Variants in AFF2 observed in about 807,000 individuals in gnomAD.
AFF2 encodes ALF transcription elongation factor 2.
In AFF2, 14 loss-of-function variants were observed where a neutral mutation model predicts 76.9. That is an observed-to-expected ratio of 0.18 (90% CI 0.12 to 0.28). The LOEUF (loss-of-function observed/expected upper bound fraction) is 0.28, where lower values mean the gene tolerates loss of function less well. AFF2 is among the 10% of genes least tolerant of loss of function. AFF2 has a pLI of 1.00. For synonymous variants in AFF2, 398 were observed against 366.7 expected (o/e 1.09, Z -0.98); for missense variants, 868 against 1,001.1 (o/e 0.87, Z 1.79).
intron 9 of AFF2, among the ~76,000 whole-genome samples, chrX:148,929,148 C>T (rs1471331715): frequency 8.9e-6 from 1 of 112,173 alleles, no homozygotes; most frequent in African/African-American, 3.2e-5. Flanking sequence ...TTAAATTAAT[C>T]TCTCCCAAAC....
At chrX:148,626,438 T>C (rs2053927835) in intron 1 of AFF2, among the ~76,000 whole-genome samples, 1 of 110,805 alleles carries the variant, frequency 9.0e-6, no homozygotes, top group African/African-American at 3.3e-5. Context: ...ATATTTGATA[T>C]TAAAGACAAA....
rs2072643294 is a variant in AFF2 at position 148,999,053 on chromosome X, TAAATG to T, written c.*7725_*7729del. On this transcript the variant is annotated 3_prime_UTR_variant, in exon 21 of 21. Transcript: ENST00000370460. Reference sequence around the variant, plus strand: ...TGGGCCCTTTCACACCCCACAGTGATAAATGAAAAGGATAGAGGTAGTTTTTTCAA... The same window carrying T: ...TGGGCCCTTTCACACCCCACAGTGATAAAAGGATAGAGGTAGTTTTTTCAA... The T allele has an allele frequency of 9.0e-6, 1 of 111,723 alleles. No individual in the cohort carries two copies. Among genetic ancestry groups the T allele is most frequent in the Non-Finnish European group, 1.9e-5 (1 of 53,187 alleles). 9.2% of individuals were successfully genotyped at this position (111,723 alleles called of 1,213,427 possible). A position where few individuals can be genotyped will look rare whatever the true frequency, so the allele number is the denominator to read the frequency against.
chrX:148,817,942 A>G (rs908048103), intron 4 of AFF2, among the ~76,000 whole-genome samples: 2 of 112,102 alleles, frequency 1.8e-5, no homozygotes, highest in African/African-American at 6.5e-5. Context: ...TAAAATAGAA[A>G]TAAGTGGAAA....
chrX:148,836,265 A>G (rs1406793579), intron 4 of AFF2, among the ~76,000 whole-genome samples: 5 of 112,102 alleles, frequency 4.5e-5, no homozygotes, highest in South Asian at 7.5e-4. Context: ...AAATAGTGCT[A>G]GGTAAAATTC....
intron 7 of AFF2, among the ~76,000 whole-genome samples, chrX:148,853,466 T>C (rs2124012661): frequency 9.0e-6 from 1 of 111,705 alleles, no homozygotes; most frequent in African/African-American, 3.3e-5. Context: ...ACAGAGATGA[T>C]ATATTACTCA....
At chrX:148,584,590 C>G (rs930431557) in intron 1 of AFF2, among the ~76,000 whole-genome samples, 5 of 101,384 alleles carry the variant, frequency 4.9e-5, no homozygotes, top group Non-Finnish European at 7.9e-5. Flanking sequence ...GAGTCTTGCT[C>G]TGTTGCTCAG....
chrX:148,955,385 T>C (rs1247312863), intron 10 of AFF2, among the ~76,000 whole-genome samples: 1 of 112,688 alleles, frequency 8.9e-6, no homozygotes, highest in Non-Finnish European at 1.9e-5. Flanking sequence ...TGAGCTTAAA[T>C]AAGTAGACTG....
chrX:148,749,062 CTGTAAAAGCTG>C (rs1264990390), intron 3 of AFF2, among the ~76,000 whole-genome samples: 2 of 111,389 alleles, frequency 1.8e-5, no homozygotes, highest in Non-Finnish European at 3.8e-5. Context: ...TTTGGAGGAA[CTGTAAAAGCTG>C]TGCTTCACAG....
intron 1 of AFF2, among the ~76,000 whole-genome samples, chrX:148,524,123 CTG>C (rs59890095): frequency 0.28 from 23,364 of 82,095 alleles, 3,378 homozygotes; most frequent in East Asian, 0.74. Context: ...CTCTCTCTCT[CTG>C]TGTGTGTGTG....
chrX:148,797,818 G>A (rs182480018), intron 3 of AFF2, among the ~76,000 whole-genome samples: 160 of 112,157 alleles, frequency 1.4e-3, no homozygotes, highest in Non-Finnish European at 2.0e-3. Context: ...ATCACGTCAT[G>A]CAAGCTGACT....
chrX:148,749,362 C>T (rs1368822590), intron 3 of AFF2, among the ~76,000 whole-genome samples: 1 of 109,799 alleles, frequency 9.1e-6, no homozygotes, highest in Non-Finnish European at 1.9e-5. Context: ...GCATCGGACT[C>T]CCGGGCTCAA....
At chrX:148,781,018 C>T (rs2069736434) in intron 3 of AFF2, among the ~76,000 whole-genome samples, 1 of 112,180 alleles carries the variant, frequency 8.9e-6, no homozygotes, top group Non-Finnish European at 1.9e-5. Flanking sequence ...TTCTGAAGAT[C>T]TGCTGGAGTT....
intron 3 of AFF2, among the ~76,000 whole-genome samples, chrX:148,727,632 G>A (rs1266135953): frequency 1.8e-5 from 2 of 111,281 alleles, no homozygotes; most frequent in African/African-American, 6.5e-5. Flanking sequence ...AAATGAGTTT[G>A]GAACACGTTG....
intron 13 of AFF2, among the ~76,000 whole-genome samples, chrX:148,964,943 C>T (rs189390968): frequency 1.8e-5 from 2 of 112,639 alleles, no homozygotes; most frequent in East Asian, 2.8e-4. Flanking sequence ...GTGAAAAAAG[C>T]GGGGACATGT....
At chrX:148,765,061 A>G (rs1389735623) in intron 3 of AFF2, among the ~76,000 whole-genome samples, 1 of 110,858 alleles carries the variant, frequency 9.0e-6, no homozygotes, top group Non-Finnish European at 1.9e-5. Flanking sequence ...ACTTTTATTT[A>G]TAGAGATGGG....
At chrX:148,584,040 TAA>T (rs1223201845) in intron 1 of AFF2, among the ~76,000 whole-genome samples, 6 of 112,339 alleles carry the variant, frequency 5.3e-5, no homozygotes, top group Non-Finnish European at 9.4e-5. Context: ...GAAATATACT[TAA>T]GTTTGCTTAT....
chrX:148,911,694 T>C (rs782073679), intron 9 of AFF2, among the ~76,000 whole-genome samples: 11 of 112,373 alleles, frequency 9.8e-5, no homozygotes, highest in African/African-American at 3.6e-4. Context: ...GTGTTGTTGC[T>C]AACAATAAAG....
At chrX:148,768,508 A>G (rs1389659247) in intron 3 of AFF2, among the ~76,000 whole-genome samples, 2 of 110,822 alleles carry the variant, frequency 1.8e-5, no homozygotes, top group Non-Finnish European at 3.8e-5. Context: ...GAGGATCTTT[A>G]AGGGCTTTCA....
At chrX:148,797,110 C>G (rs1368914926) in intron 3 of AFF2, among the ~76,000 whole-genome samples, 1 of 112,511 alleles carries the variant, frequency 8.9e-6, no homozygotes, top group African/African-American at 3.2e-5. Context: ...ATCATGCAGG[C>G]TCTGTACCTG....
Sources: allele counts gnomAD v4.1 joint callset (sites outside exome capture counted in the v4.1 genomes callset), GRCh38; gene constraint gnomAD v4.1.1; transcripts MANE v1.5; gene names NCBI Gene and HGNC (gene_info 2026-07-23, HGNC 2026-07-21).